Variants in KIF21A observed in about 807,000 individuals in gnomAD.
KIF21A encodes the protein kinesin family member 21A, also known as kinesin-like protein KIF21A.
In KIF21A, 114 loss-of-function variants were observed where a neutral mutation model predicts 202.9. The observed-to-expected ratio is 0.56, with a 90% CI of 0.48 to 0.66. The LOEUF (loss-of-function observed/expected upper bound fraction) is 0.66, where lower values mean the gene tolerates loss of function less well. KIF21A is among the 30% of genes least tolerant of loss of function. The pLI, the probability that KIF21A is intolerant of heterozygous loss-of-function variation, is 0.00. For synonymous variants in KIF21A, 667 were observed against 670.8 expected (o/e 0.99, Z 0.09); for missense variants, 1,677 against 1,994.9 (o/e 0.84, Z 3.04).
At position 39,404,949 on chromosome 12, in the gene KIF21A, G is replaced by A. The variant is rs547031287; in HGVS notation, c.45-34688C>T. Among the ~76,000 whole-genome samples, 8 of 151,438 alleles carry A rather than the reference G, an allele frequency of 5.3e-5. No homozygotes were observed. The South Asian group carries it at 1.2e-3, about 24-fold the overall frequency. The stretch of plus-strand genomic sequence containing the variant: ...AAATGCGCAATGTTAAACAAATTCT[G>A]TCTATGGAAAGTAAATTTTCCTAAG... On this transcript the variant is annotated intron_variant, in intron 1 of 37. Coordinates refer to ENST00000361418, the MANE Select transcript of KIF21A (RefSeq NM_001173464.2).
chr12:39,326,270 T>C lies in KIF21A; in HGVS notation c.3395A>G (p.Glu1132Gly). ...EDAPLNSPGS[E>G]GSTLSSDLMK... Reference sequence around the variant, plus strand: ...TTTCTAAAGGCCTTCTTACCTTCCTTCTGATCCTGGGCTGTTTAAAGGAGC... The same window carrying C: ...TTTCTAAAGGCCTTCTTACCTTCCTCCTGATCCTGGGCTGTTTAAAGGAGC... Residue 1132 changes from glutamate to glycine, a missense_variant, in exon 25 of 38, where the codon GAA becomes GGA. Transcript: ENST00000361418. 7 of 1,609,716 alleles carry C rather than the reference T, an allele frequency of 4.3e-6. No homozygotes were observed. The highest frequency in any genetic ancestry group is 6.0e-6 in the Non-Finnish European group (7 of 1,176,212).
intron 4 of KIF21A, 27 bp downstream of exon 4, chr12:39,367,856 C>G (rs913191641): frequency 6.3e-7 from 1 of 1,582,954 alleles, no homozygotes; most frequent in South Asian, 1.1e-5. Context: ...CAACTATGCT[C>G]TGTTTTAACT....
At chr12:39,347,777 T>G (rs897536663) in intron 11 of KIF21A, among the ~76,000 whole-genome samples, 1 of 151,750 alleles carries the variant, frequency 6.6e-6, no homozygotes, top group Non-Finnish European at 1.5e-5. Flanking sequence ...GTTTCTAGAG[T>G]TTCAACCCAA....
intron 6 of KIF21A, among the ~76,000 whole-genome samples, 189 bp downstream of exon 6, chr12:39,366,161 A>G (rs1949589065): frequency 6.6e-6 from 1 of 152,234 alleles, no homozygotes; most frequent in African/African-American, 2.4e-5. Flanking sequence ...AATCTGTAAT[A>G]TATAAAAACA....
In KIF21A at chr12:39,443,075, G is replaced by A; in HGVS notation, c.-105C>T. ...GCAGTAGGCTGGGGCGTCTGCGGGC[G>A]GGCGGCCGGCTCACCTCCGCCGCGC... On this transcript the variant is annotated 5_prime_UTR_variant, in exon 1 of 38. Coordinates refer to ENST00000361418, the MANE Select transcript of KIF21A (RefSeq NM_001173464.2). 2 of 1,223,708 alleles carry A rather than the reference G, an allele frequency of 1.6e-6. No individual in the cohort carries two copies. The highest frequency in any genetic ancestry group is 2.1e-6 in the Non-Finnish European group (2 of 934,658). The allele number at this position is 1,223,708 out of a possible 1,614,324, so 75.8% of individuals were successfully genotyped here.
At chr12:39,420,688 T>C (rs1054695104) in intron 1 of KIF21A, among the ~76,000 whole-genome samples, 3 of 152,100 alleles carry the variant, frequency 2.0e-5, no homozygotes, top group Non-Finnish European at 4.4e-5. Flanking sequence ...TGGATGTTTT[T>C]GGTTTAGATT....
Position 39,409,036 on chromosome 12 carries a change from A to G in KIF21A, c.44+33891T>C, listed in dbSNP as rs568579028. On this transcript the variant is annotated intron_variant, in intron 1 of 37. Transcript: ENST00000361418. The stretch of plus-strand genomic sequence containing the variant: ...TTGTTGTTGTTTTAAGGGTCTCCCT[A>G]TGTTGCCCAGGCTGGTCTCTAACTC... Among the ~76,000 whole-genome samples, 12 of 151,740 alleles carry G rather than the reference A, an allele frequency of 7.9e-5. No homozygotes were observed. The East Asian group carries it at 9.8e-4, about 12-fold the overall frequency.
rs1227848542 is a variant in KIF21A, at chr12:39,320,067, T to C, written c.3672-54A>G. On this transcript the variant is annotated intron_variant, in intron 27 of 37. Coordinates refer to ENST00000361418, the MANE Select transcript of KIF21A (RefSeq NM_001173464.2). ...CTAATTCTAAATTTGCACATACAACTTTGGTAGATAGTCAATCTAAAATTT... is the reference window on the plus strand; with the variant it reads ...CTAATTCTAAATTTGCACATACAACCTTGGTAGATAGTCAATCTAAAATTT... 7 of 998,046 alleles carry C rather than the reference T, an allele frequency of 7.0e-6. No individual in the cohort carries two copies. In the East Asian group the frequency reaches 1.8e-4, roughly 25 times the overall value. 61.8% of individuals were successfully genotyped at this position (998,046 alleles called of 1,614,324 possible). A position where few individuals can be genotyped will look rare whatever the true frequency, so the allele number is the denominator to read the frequency against.
chr12:39,441,676 A>AAAAAAAAAAAC lies in KIF21A; in HGVS notation c.44+1250_44+1251insGTTTTTTTTTT, dbSNP rs1041857523. The stretch of plus-strand genomic sequence containing the variant: ...CCTGGGTGGTAAAAAAAAAAAAAAA[A>AAAAAAAAAAAC]AAAACACTTAAAAACTCATTTTATT... On this transcript the variant is annotated intron_variant, in intron 1 of 37. Transcript: ENST00000361418. 1.3e-3 allele frequency among the ~76,000 whole-genome samples: 185 copies of AAAAAAAAAAAC among 137,354 alleles called. 8 individuals are homozygous for AAAAAAAAAAAC. The highest frequency in any genetic ancestry group is 4.8e-3 in the African/African-American group (171 of 35,776). The allele number at this position is 137,354 out of a possible 152,430, so 90.1% of individuals were successfully genotyped here.
At chr12:39,296,994 A>C (rs1327035489) in intron 37 of KIF21A, among the ~76,000 whole-genome samples, 1 of 152,216 alleles carries the variant, frequency 6.6e-6, no homozygotes, top group Non-Finnish European at 1.5e-5. Context: ...TCAAGAGTTG[A>C]CAGTGATTAA....
chr12:39,331,652 A>T (rs1326715599), intron 22 of KIF21A, 38 bp downstream of exon 22: 1 of 1,383,366 alleles, frequency 7.2e-7, no homozygotes, highest in Admixed American at 1.7e-5. Flanking sequence ...GAATTAGTCA[A>T]AACTTAGATT....
At chr12:39,338,701 T>A (rs560575854) in intron 16 of KIF21A, among the ~76,000 whole-genome samples, 1 of 152,314 alleles carries the variant, frequency 6.6e-6, no homozygotes, top group Non-Finnish European at 1.5e-5. Flanking sequence ...ACAAATTTAT[T>A]TGGTTTCCCA....
At chr12:39,437,151 A>G (rs1338754758) in intron 1 of KIF21A, among the ~76,000 whole-genome samples, 2 of 152,188 alleles carry the variant, frequency 1.3e-5, no homozygotes, top group African/African-American at 4.8e-5. Context: ...GATTGGGCAT[A>G]TTATAGTATT....
intron 24 of KIF21A, among the ~76,000 whole-genome samples, chr12:39,328,291 G>A (rs1946156440): frequency 6.6e-6 from 1 of 152,140 alleles, no homozygotes; most frequent in Non-Finnish European, 1.5e-5. Context: ...AAACCCTGGG[G>A]CACTGAGCAT....
intron 7 of KIF21A, 105 bp from the exon 8 acceptor site, chr12:39,358,478 T>C (rs1948963558): frequency 6.8e-6 from 7 of 1,034,052 alleles, no homozygotes; most frequent in Non-Finnish European, 9.0e-6. Flanking sequence ...CTCTTCAAGA[T>C]ACCAAAATAT....
rs116612737 is a variant in KIF21A, at chr12:39,302,858, T to C, written c.4731+107A>G. ...CTTTAAGAAAAAGGCCTGATTAATA[T>C]TATCTGTAAATGATAAAAATCTACA... On this transcript the variant is annotated intron_variant, in intron 36 of 37. Transcript: ENST00000361418. 2,711 of 982,690 alleles carry C rather than the reference T, an allele frequency of 2.8e-3. 57 individuals carry two copies. In the African/African-American group the frequency reaches 0.036, roughly 13 times the overall value. 60.9% of individuals were successfully genotyped at this position (982,690 alleles called of 1,614,324 possible). A position where few individuals can be genotyped will look rare whatever the true frequency, so the allele number is the denominator to read the frequency against.
At chr12:39,411,845 A>AT (rs1014407990) in intron 1 of KIF21A, among the ~76,000 whole-genome samples, 14 of 150,000 alleles carry the variant, frequency 9.3e-5, no homozygotes, top group Admixed American at 3.3e-4. Flanking sequence ...CCTGCTGCTA[A>AT]TTTTTTTTTT....
rs896869402 is a variant in KIF21A, at chr12:39,331,045, A to T, written c.3154-134T>A. 4.8e-6 allele frequency: 4 copies of T among 833,492 alleles called. No homozygotes were observed. The East Asian group carries it at 7.8e-5, about 16-fold the overall frequency. 51.6% of individuals were successfully genotyped at this position (833,492 alleles called of 1,614,324 possible). ...GACCTCGAGTCATCCCAGCTCCTCC[A>T]GTAACTGGCTTAGTGATCATGTACA... On this transcript the variant is annotated intron_variant, in intron 22 of 37. Coordinates refer to ENST00000361418, the MANE Select transcript of KIF21A (RefSeq NM_001173464.2).
chr12:39,353,208 A>C (rs1369646992), intron 10 of KIF21A, among the ~76,000 whole-genome samples: 2 of 152,096 alleles, frequency 1.3e-5, no homozygotes, highest in African/African-American at 4.8e-5. Context: ...AATAGTTGAG[A>C]CAGATGGGGT....
Sources: allele counts gnomAD v4.1 joint callset (sites outside exome capture counted in the v4.1 genomes callset), GRCh38; gene constraint gnomAD v4.1.1; transcripts MANE v1.5; gene names NCBI Gene and HGNC (gene_info 2026-07-23, HGNC 2026-07-21).